The following CADM2 variants were observed in gnomAD, a reference collection of about 807,000 sequenced individuals.
The protein encoded by CADM2 is cell adhesion molecule 2.
A neutral mutation model predicts 49.8 loss-of-function variants in CADM2; 12 were observed. That is an observed-to-expected ratio of 0.24 (90% confidence interval 0.15 to 0.39). The LOEUF (loss-of-function observed/expected upper bound fraction) is 0.39. CADM2 is among the 10% of genes least tolerant of loss of function. The pLI is 1.00. For missense variants in CADM2, 378 were observed against 492.3 expected (o/e 0.77, Z 2.20); for synonymous variants, 214 against 175.4 (o/e 1.22, Z -1.74).
At chr3:86,056,728 C>T (rs1738035803) in intron 8 of CADM2, among the ~76,000 whole-genome samples, 1 of 152,104 alleles carries the variant, frequency 6.6e-6, no homozygotes, top group African/African-American at 2.4e-5. Context: ...GCTAAACAGC[C>T]TTGGAACACT....
At chr3:85,533,266 T>G (rs148345226) in intron 1 of CADM2, among the ~76,000 whole-genome samples, 1 of 152,280 alleles carries the variant, frequency 6.6e-6, no homozygotes, top group Non-Finnish European at 1.5e-5. Context: ...TATAAGCAAA[T>G]TATATATGTT....
At chr3:85,103,803 G>A (rs538994261) in intron 1 of CADM2, among the ~76,000 whole-genome samples, 9 of 152,156 alleles carry the variant, frequency 5.9e-5, no homozygotes. Context: ...AATTAGATTG[G>A]TGGAAATTCA....
chr3:86,065,606 T>C lies in CADM2; in HGVS notation c.972T>C (p.Asp324=). The C allele has an allele frequency of 1.9e-6, 3 of 1,612,076 alleles. No individual in the cohort carries two copies. The highest frequency in any genetic ancestry group is 2.5e-6 in the Non-Finnish European group (3 of 1,179,338). The change falls in exon 9 of 10, where the codon GAT becomes GAC. Residue 324 remains aspartate (D), a splice_region_variant and synonymous_variant. Coordinates refer to ENST00000383699, the MANE Select transcript of CADM2 (RefSeq NM_001167675.2). ...SSAEYVLIVH[D]PNALAGQNGP... ...ACAATATTTTCCTGTCTTTTCCAGA[T>C]CCTAATGCTTTGGCTGGCCAGAATG...
At chr3:85,364,518 C>T (rs1369211414) in intron 1 of CADM2, among the ~76,000 whole-genome samples, 1 of 152,048 alleles carries the variant, frequency 6.6e-6, no homozygotes, top group Non-Finnish European at 1.5e-5. Context: ...TTGTTTGTAA[C>T]CTTCAGAGGG....
intron 3 of CADM2, among the ~76,000 whole-genome samples, chr3:85,860,645 T>A (rs1437463215): frequency 6.6e-6 from 1 of 151,926 alleles, no homozygotes; most frequent in Non-Finnish European, 1.5e-5. Flanking sequence ...AGAACAGAGT[T>A]TTTTAGGGTC....
intron 1 of CADM2, among the ~76,000 whole-genome samples, chr3:85,594,891 T>C (rs1322133570): frequency 6.6e-6 from 1 of 151,994 alleles, no homozygotes; most frequent in Non-Finnish European, 1.5e-5. Flanking sequence ...GCACCGTCAG[T>C]TTTAATGCAG....
In CADM2 at chr3:85,286,671, A is replaced by G. The variant is rs74333294; in HGVS notation, c.61+327003A>G. 5.3e-5 allele frequency among the ~76,000 whole-genome samples: 8 copies of G among 152,284 alleles called. No homozygotes were observed. In the East Asian group the frequency reaches 1.5e-3, roughly 29 times the overall value. On this transcript the variant is annotated intron_variant, in intron 1 of 9. Transcript: ENST00000383699. ...TTGCTGTTTTTAACTTTGTAGTTTT[A>G]AAGAAAGAACACACATTAAGTATAT...
chr3:85,757,412 A>G (rs1265017447), intron 2 of CADM2, among the ~76,000 whole-genome samples: 1 of 152,136 alleles, frequency 6.6e-6, no homozygotes, highest in Admixed American at 6.6e-5. Flanking sequence ...AGGAGTCCCA[A>G]TACTTTAATT....
chr3:85,469,176 G>T (rs1169730308), intron 1 of CADM2, among the ~76,000 whole-genome samples: 1 of 152,194 alleles, frequency 6.6e-6, no homozygotes, highest in African/African-American at 2.4e-5. Flanking sequence ...GAGAGTTTTT[G>T]ATATGGGAGT....
chr3:85,549,916 C>G (rs6549034), intron 1 of CADM2, among the ~76,000 whole-genome samples: 77,431 of 151,164 alleles, frequency 0.51, 22,866 homozygotes, highest in East Asian at 0.85. Context: ...ACAGACATGA[C>G]TCACCACCTA....
chr3:85,830,102 T>C (rs763480785), intron 3 of CADM2, among the ~76,000 whole-genome samples: 126 of 152,082 alleles, frequency 8.3e-4, no homozygotes, highest in Admixed American at 1.4e-3. Flanking sequence ...TCACACCATT[T>C]TCCATAATGG....
rs187183205 is a variant in CADM2, at chr3:85,774,298, T to C, written c.89-27749T>C. Reference sequence around the variant, plus strand: ...TCGGTGTTCTTAAATTTAATGTTGATAGCCTACAGATATTTTATGCAGTAT... The same window carrying C: ...TCGGTGTTCTTAAATTTAATGTTGACAGCCTACAGATATTTTATGCAGTAT... On this transcript the variant is annotated intron_variant, in intron 2 of 9. Transcript: ENST00000383699. Among the ~76,000 whole-genome samples, 5 of 152,000 alleles carry C rather than the reference T, an allele frequency of 3.3e-5. No homozygotes were observed. In the East Asian group the frequency reaches 9.7e-4, roughly 29 times the overall value.
chr3:85,367,969 A>G (rs1467589835), intron 1 of CADM2, among the ~76,000 whole-genome samples: 3 of 152,076 alleles, frequency 2.0e-5, no homozygotes, highest in Non-Finnish European at 4.4e-5. Context: ...TTGGAATAGT[A>G]TATTCTCATT....
chr3:85,572,170 G>A (rs2062498690), intron 1 of CADM2, among the ~76,000 whole-genome samples: 1 of 152,124 alleles, frequency 6.6e-6, no homozygotes, highest in African/African-American at 2.4e-5. Context: ...GGTGGCGGAT[G>A]CCTGGAATCT....
chr3:85,070,377 T>C (rs2036683390), intron 1 of CADM2, among the ~76,000 whole-genome samples: 1 of 152,206 alleles, frequency 6.6e-6, no homozygotes, highest in Non-Finnish European at 1.5e-5. Flanking sequence ...ATACTTCATA[T>C]CAAATTATTC....
At chr3:85,815,003 C>T (rs544807807) in intron 3 of CADM2, among the ~76,000 whole-genome samples, 36 of 151,850 alleles carry the variant, frequency 2.4e-4, no homozygotes, top group African/African-American at 6.5e-4. Flanking sequence ...TAGGAGAAAT[C>T]GATAAATTCC....
chr3:85,826,848 A>G (rs2073938917), intron 3 of CADM2, among the ~76,000 whole-genome samples: 1 of 151,966 alleles, frequency 6.6e-6, no homozygotes, highest in Non-Finnish European at 1.5e-5. Context: ...TATTTGCAGA[A>G]TCGGGCCTCT....
At chr3:85,619,337 C>A (rs925017505) in intron 1 of CADM2, among the ~76,000 whole-genome samples, 1 of 147,986 alleles carries the variant, frequency 6.8e-6, no homozygotes, top group African/African-American at 2.5e-5. Context: ...TGCAATGGAA[C>A]TTTAAACTTT....
intron 1 of CADM2, among the ~76,000 whole-genome samples, chr3:85,031,247 C>T (rs1316057213): frequency 1.3e-5 from 2 of 152,184 alleles, no homozygotes; most frequent in Non-Finnish European, 2.9e-5. Context: ...TGATTTAACT[C>T]AACAGGCAGT....
Sources: gnomAD v4.1 joint callset for allele counts (sites outside exome capture counted in the v4.1 genomes callset) on GRCh38, gnomAD v4.1.1 for gene constraint, MANE v1.5 for transcripts, NCBI Gene and HGNC (gene_info 2026-07-23, HGNC 2026-07-21) for gene names.